Variants in XRCC4 observed in about 807,000 individuals in gnomAD.
The protein encoded by XRCC4 is X-ray repair cross complementing 4.
A neutral mutation model predicts 39.1 loss-of-function variants in XRCC4; 28 were observed. That is an observed-to-expected ratio of 0.72 (90% confidence interval 0.53 to 0.98). XRCC4 has a LOEUF of 0.98. Ranked by LOEUF, XRCC4 falls within the 50% of genes least tolerant of loss-of-function variation. The pLI is 0.00. For synonymous variants in XRCC4, 123 were observed against 126.4 expected, an observed-to-expected ratio of 0.97 and a Z score of 0.18; for missense variants, 350 against 376.4, an observed-to-expected ratio of 0.93 and a Z score of 0.58.
chr5:83,209,868 A>G (rs144905130), intron 6 of XRCC4, among the ~76,000 whole-genome samples: 36 of 152,252 alleles, frequency 2.4e-4, no homozygotes, highest in African/African-American at 8.2e-4. Flanking sequence ...AACAAATATA[A>G]TAAGCTTTCC....
At chr5:83,115,458 C>A (rs963159196) in intron 3 of XRCC4, among the ~76,000 whole-genome samples, 1 of 150,642 alleles carries the variant, frequency 6.6e-6, no homozygotes, top group East Asian at 2.1e-4. Context: ...AACAAAAAAA[C>A]AAGATGAGAT....
intron 6 of XRCC4, among the ~76,000 whole-genome samples, chr5:83,226,822 A>G (rs28360188): frequency 4.2e-4 from 64 of 152,254 alleles, no homozygotes; most frequent in African/African-American, 1.4e-3. Context: ...TATTCGGTGC[A>G]TTTGAATCAG....
At chr5:83,273,818 AGCCTTGTAGTATAGTTT>A in intron 7 of XRCC4, among the ~76,000 whole-genome samples, 1 of 151,842 alleles carries the variant, frequency 6.6e-6, no homozygotes, top group Non-Finnish European at 1.5e-5. Context: ...TGGTTACTGT[AGCCTTGTAGTATAGTTT>A]GCAGTCAGGT....
At chr5:83,103,421 T>C (rs1256645064) in intron 1 of XRCC4, among the ~76,000 whole-genome samples, 1 of 151,710 alleles carries the variant, frequency 6.6e-6, no homozygotes, top group Non-Finnish European at 1.5e-5. Context: ...ATGAAAACCA[T>C]GGAAAATGTT....
rs188173894 is a variant in XRCC4 at position 83,300,131 on chromosome 5, A to G, written c.893+41454A>G. ...ATGAATTATATTAATTTGGGCTGCA[A>G]ACATATCCAAGTGATTTGCAAACAT... On this transcript the variant is annotated intron_variant, in intron 7 of 7. Transcript: ENST00000396027. Among the ~76,000 whole-genome samples, 167 of 152,322 alleles carry G rather than the reference A, an allele frequency of 1.1e-3. 1 individual carries two copies. Among genetic ancestry groups the G allele is most frequent in the Admixed American group, 9.0e-3 (137 of 15,302 alleles).
intron 5 of XRCC4, 48 bp downstream of exon 5, chr5:83,203,755 G>T: frequency 6.3e-7 from 1 of 1,591,606 alleles, no homozygotes; most frequent in Non-Finnish European, 8.5e-7. Context: ...ACATTTAAGT[G>T]GAATTTCTTC....
intron 6 of XRCC4, among the ~76,000 whole-genome samples, chr5:83,227,835 A>G (rs1439725791): frequency 1.3e-5 from 2 of 152,058 alleles, no homozygotes; most frequent in Non-Finnish European, 2.9e-5. Flanking sequence ...GCTCATATTC[A>G]TCATAGGTTT....
At chr5:83,150,690 A>G (rs1034328254) in intron 3 of XRCC4, among the ~76,000 whole-genome samples, 1 of 152,148 alleles carries the variant, frequency 6.6e-6, no homozygotes, top group African/African-American at 2.4e-5. Flanking sequence ...TGTGTGATTT[A>G]TTCCAAAAAT....
intron 7 of XRCC4, among the ~76,000 whole-genome samples, chr5:83,309,488 G>A (rs542046356): frequency 4.0e-5 from 6 of 150,120 alleles, no homozygotes; most frequent in South Asian, 4.2e-4. Flanking sequence ...TAGGCTGGGC[G>A]CGGTGGCTCA....
intron 3 of XRCC4, among the ~76,000 whole-genome samples, chr5:83,153,648 A>G (rs540611729): frequency 2.6e-5 from 4 of 152,234 alleles, no homozygotes; most frequent in Non-Finnish European, 5.9e-5. Flanking sequence ...AAGGCTGGCA[A>G]GGATGCCAAA....
intron 6 of XRCC4, among the ~76,000 whole-genome samples, chr5:83,214,700 C>T (rs993537479): frequency 1.3e-5 from 2 of 151,456 alleles, no homozygotes; most frequent in Non-Finnish European, 1.5e-5. Flanking sequence ...AGCCGGGCAT[C>T]GTGTGGGCGC....
intron 1 of XRCC4, among the ~76,000 whole-genome samples, chr5:83,087,448 A>T (rs1260775289): frequency 6.6e-6 from 1 of 152,006 alleles, no homozygotes; most frequent in Non-Finnish European, 1.5e-5. Flanking sequence ...AGATCATTTG[A>T]GGTCAGGCGT....
intron 1 of XRCC4, among the ~76,000 whole-genome samples, chr5:83,087,479 A>G (rs1278226928): frequency 6.7e-6 from 1 of 149,462 alleles, no homozygotes; most frequent in Non-Finnish European, 1.5e-5. Flanking sequence ...CATGGCCAAC[A>G]TAGTGAAACC....
intron 7 of XRCC4, chr5:83,280,429 G>A (rs947608286): frequency 4.0e-5 from 26 of 654,260 alleles, no homozygotes; most frequent in Middle Eastern, 3.1e-4. Context: ...TAATGGTGCC[G>A]CAATTTTGAA....
chr5:83,332,454 ATAT>A (rs1477089899), intron 7 of XRCC4, among the ~76,000 whole-genome samples: 2 of 152,290 alleles, frequency 1.3e-5, no homozygotes, highest in East Asian at 1.9e-4. Flanking sequence ...TGTCAATTTA[ATAT>A]TATACAGACA....
chr5:83,144,267 CTGTGTGTGTGTGTG>C lies in XRCC4; in HGVS notation c.315+33090_315+33103del, dbSNP rs56769195. ...TTTTTTCTGGCTGAGTAATATTCCT[CTGTGTGTGTGTGTG>C]TGTGTGTGTGTGTGTGTGTGTGTGT... On this transcript the variant is annotated intron_variant, in intron 3 of 7. Coordinates refer to ENST00000396027, the MANE Select transcript of XRCC4 (RefSeq NM_003401.5). Among the ~76,000 whole-genome samples the C allele has an allele frequency of 7.1e-3, 993 of 140,128 alleles. 8 individuals carry two copies. The highest frequency in any genetic ancestry group is 7.0e-3 in the South Asian group (28 of 4,004). The allele number at this position is 140,128 out of a possible 152,430, so 91.9% of individuals were successfully genotyped here.
At chr5:83,363,458 G>A in the XRCC4 span, among the ~76,000 whole-genome samples, 3 of 152,150 alleles carry the variant, frequency 2.0e-5, no homozygotes, top group African/African-American at 7.2e-5. Context: ...TTTTGAAAGG[G>A]AGGTTTGAAG....
At chr5:83,330,377 C>T (rs1756399531) in intron 7 of XRCC4, among the ~76,000 whole-genome samples, 1 of 151,948 alleles carries the variant, frequency 6.6e-6, no homozygotes, top group South Asian at 2.1e-4. Flanking sequence ...TATTACACAA[C>T]ATTGAAAATT....
chr5:83,147,143 A>G (rs1748491047), intron 3 of XRCC4, among the ~76,000 whole-genome samples: 1 of 152,134 alleles, frequency 6.6e-6, no homozygotes, highest in Admixed American at 6.6e-5. Flanking sequence ...GGTAGAATCC[A>G]TGGGGTGTGG....
Sources: gnomAD v4.1 joint callset for allele counts (sites outside exome capture counted in the v4.1 genomes callset) on GRCh38, gnomAD v4.1.1 for gene constraint, MANE v1.5 for transcripts, NCBI Gene and HGNC (gene_info 2026-07-23, HGNC 2026-07-21) for gene names.